The following ANKRD11 variants were observed in gnomAD, a reference collection of about 807,000 sequenced individuals.
ANKRD11 encodes ankyrin repeat domain 11.
ANKRD11 carries 17 observed loss-of-function variants against 195.7 expected under a neutral mutation model. The observed-to-expected ratio is 0.09, with a 90% confidence interval of 0.06 to 0.13. ANKRD11 has a LOEUF of 0.13. Ranked by LOEUF, ANKRD11 falls within the 10% of genes least tolerant of loss-of-function variation. ANKRD11 has a pLI of 1.00. For synonymous variants in ANKRD11, 1,953 were observed against 1,528.1 expected, an observed-to-expected ratio of 1.28 and a Z score of -6.49; for missense variants, 3,735 against 3,566.1, an observed-to-expected ratio of 1.05 and a Z score of -1.21.
At position 89,281,322 on chromosome 16, in the gene ANKRD11, G is replaced by A. The variant is rs149098783; in HGVS notation, c.5220C>T (p.Ala1740=). 1.6e-4 allele frequency: 263 copies of A among 1,613,736 alleles called. No homozygotes were observed. Among genetic ancestry groups the A allele is most frequent in the Non-Finnish European group, 2.2e-4 (258 of 1,179,816 alleles). The change falls in exon 9 of 13, where the codon GCC becomes GCT. Residue 1740 remains alanine (A), a synonymous_variant. Transcript: ENST00000301030. The surrounding 1 kb of genome is among the most constrained non-coding windows in gnomAD (Gnocchi z 5.5). ...GCACGGGCGTGGAGTGCTGCGAGTC[G>A]GCGCAGTCGAACACGAGGTCCGCGT... ...DDYADLVFDC[A]DSQHSTPVPT...
Position 89,393,322 on chromosome 16 carries a change from T to A in ANKRD11, c.-60+24962A>T, listed in dbSNP as rs1246557573. Among the ~76,000 whole-genome samples, 13 of 150,920 alleles carry A rather than the reference T, an allele frequency of 8.6e-5. No homozygotes were observed. The South Asian group carries it at 1.5e-3, about 17-fold the overall frequency. On this transcript the variant is annotated intron_variant, in intron 2 of 12. Coordinates refer to ENST00000301030, the MANE Select transcript of ANKRD11 (RefSeq NM_013275.6). ...TTACTTTTTTTATTTTTATTTTTTT[T>A]TTTTTTGAGACGGAGGCTTGCTCTG...
At chr16:89,360,761 G>C (rs1404304752) in intron 2 of ANKRD11, 2 of 152,212 alleles carry the variant, frequency 1.3e-5, no homozygotes, top group Non-Finnish European at 2.9e-5. Flanking sequence ...AGAGGAAGAG[G>C]AGAAGAAAAG....
chr16:89,274,955 C>T lies in ANKRD11; in HGVS notation c.7572G>A (p.Glu2524=), dbSNP rs767736770. The T allele has an allele frequency of 1.9e-6, 3 of 1,613,354 alleles. No individual in the cohort carries two copies. The highest frequency in any genetic ancestry group is 2.5e-6 in the Non-Finnish European group (3 of 1,180,020). The part of the protein sequence containing the change: ...KLRLQHSIER[E]KLIVSCEQEI... ...CCTGCTCACAGGATACGATCAGCTT[C>T]TCCTGAAGGAGGAGAGGAGTAGAGT... The change falls in exon 11 of 13, where the codon GAG becomes GAA. Residue 2524 remains glutamate, a splice_region_variant and synonymous_variant. Transcript: ENST00000301030.
intron 3 of ANKRD11, among the ~76,000 whole-genome samples, chr16:89,314,970 T>C (rs2036857836): frequency 6.6e-6 from 1 of 152,144 alleles, no homozygotes; most frequent in Non-Finnish European, 1.5e-5. Context: ...ATCTCTTTGT[T>C]CCTAGAGCAC....
At chr16:89,489,642 G>A (rs907491526) in intron 1 of ANKRD11, among the ~76,000 whole-genome samples, 3 of 151,924 alleles carry the variant, frequency 2.0e-5, no homozygotes, top group African/African-American at 7.2e-5. Flanking sequence ...CGGGTCAGAG[G>A]TCGGCGCCCC....
In ANKRD11 at chr16:89,284,837, T is replaced by C; in HGVS notation, c.1705A>G (p.Thr569Ala). 6.2e-7 allele frequency: 1 copy of C among 1,613,984 alleles called. No individual in the cohort carries two copies. The highest frequency in any genetic ancestry group is 8.5e-7 in the Non-Finnish European group (1 of 1,180,040). The change falls in exon 9 of 13, where the codon ACA (threonine) becomes GCA (alanine). Residue 569 changes from threonine to alanine, a missense_variant. Coordinates refer to ENST00000301030, the MANE Select transcript of ANKRD11 (RefSeq NM_013275.6). Reference protein sequence around the residue: ...WSEVSSLSDSTRTRLTSESDY... With the variant: ...WSEVSSLSDSARTRLTSESDY... ...GACTCGCTTGTCAGTCTCGTCCTTG[T>C]GGAGTCTGATAAAGAACTGACCTCT...
At chr16:89,401,425 T>C (rs946209379) in intron 2 of ANKRD11, among the ~76,000 whole-genome samples, 3 of 152,140 alleles carry the variant, frequency 2.0e-5, no homozygotes, top group African/African-American at 7.2e-5. Context: ...GCTGGGATAA[T>C]GGGAAATTAA....
chr16:89,470,492 C>T (rs903430447), intron 1 of ANKRD11, among the ~76,000 whole-genome samples: 1 of 149,734 alleles, frequency 6.7e-6, no homozygotes, highest in Non-Finnish European at 1.5e-5. Flanking sequence ...GTAGGGAATA[C>T]TGGTTAACAC....
intron 1 of ANKRD11, among the ~76,000 whole-genome samples, chr16:89,456,123 C>G (rs1420782039): frequency 3.3e-5 from 5 of 151,846 alleles, no homozygotes; most frequent in African/African-American, 1.2e-4. Flanking sequence ...ACCTGTAGTC[C>G]CAGCTACCCG....
At position 89,282,581 on chromosome 16, in the gene ANKRD11, G is replaced by A. The variant is rs1252105248; in HGVS notation, c.3961C>T (p.Leu1321=). Residue 1321 remains leucine (L), a synonymous_variant, in exon 9 of 13, where the codon CTG becomes TTG. Transcript: ENST00000301030. The part of the protein sequence containing the change: ...RGQEPGLTAF[L]EVSFTEPPGD... The stretch of plus-strand genomic sequence containing the variant: ...GGTGGCTCCGTGAAAGAGACCTCCA[G>A]GAAGGCAGTCAGCCCCGGCTCCTGC... 6.2e-7 allele frequency: 1 copy of A among 1,614,130 alleles called. No homozygotes were observed. The highest frequency in any genetic ancestry group is 1.3e-5 in the African/African-American group (1 of 75,040).
intron 1 of ANKRD11, among the ~76,000 whole-genome samples, chr16:89,436,708 G>C (rs1031936840): frequency 6.6e-6 from 1 of 152,180 alleles, no homozygotes; most frequent in Non-Finnish European, 1.5e-5. Flanking sequence ...ACACTGACAA[G>C]TCAACGGAGG....
At position 89,284,023 on chromosome 16, in the gene ANKRD11, C is replaced by T. The variant is rs149776253; in HGVS notation, c.2519G>A (p.Arg840Gln). ...KFSLSDDQRD[R>Q]WFSDLSDSSF... is the part of the protein sequence containing the mutation. ...TGAATCGGACAAGTCAGAAAACCAC[C>T]GATCTCGCTGATCGTCAGAAAGGCT... The change falls in exon 9 of 13, where the codon CGG becomes CAG. Residue 840 changes from arginine (R) to glutamine (Q), a missense_variant. Coordinates refer to ENST00000301030, the MANE Select transcript of ANKRD11 (RefSeq NM_013275.6). The T allele has an allele frequency of 9.4e-4, 1,515 of 1,614,120 alleles. 4 individuals are homozygous for T. Among genetic ancestry groups the T allele is most frequent in the Non-Finnish European group, 1.1e-3 (1,317 of 1,180,034 alleles).
intron 2 of ANKRD11, among the ~76,000 whole-genome samples, chr16:89,354,829 G>A (rs1219629197): frequency 6.6e-6 from 1 of 151,942 alleles, no homozygotes; most frequent in Non-Finnish European, 1.5e-5. Context: ...GGAGGTTGCA[G>A]TGAGCCGAGA....
intron 3 of ANKRD11, among the ~76,000 whole-genome samples, chr16:89,316,251 G>A (rs1367889174): frequency 6.6e-6 from 1 of 152,172 alleles, no homozygotes; most frequent in Non-Finnish European, 1.5e-5. Context: ...CGGTCACAAA[G>A]ATAACACATG....
At position 89,367,118 on chromosome 16, in the gene ANKRD11, T is replaced by G. The variant is rs112547489; in HGVS notation, c.-59-50040A>C. On this transcript the variant is annotated intron_variant, in intron 2 of 12. Coordinates refer to ENST00000301030, the MANE Select transcript of ANKRD11 (RefSeq NM_013275.6). ...ACCCCGAGACTCACCGGATACTCAC[T>G]ACCTCAACTCTCCACCCCGCACCCA... Among the ~76,000 whole-genome samples, 589 of 152,228 alleles carry G rather than the reference T, an allele frequency of 3.9e-3. 2 individuals carry two copies. Among genetic ancestry groups the G allele is most frequent in the African/African-American group, 0.014 (569 of 41,534 alleles).
chr16:89,467,497 G>A (rs1390777994), intron 1 of ANKRD11, among the ~76,000 whole-genome samples: 2 of 152,010 alleles, frequency 1.3e-5, no homozygotes, highest in Non-Finnish European at 1.5e-5. Flanking sequence ...CAAGTAGCTG[G>A]GACTACAGGC....
Position 89,375,768 on chromosome 16 carries a change from TAAAAAAAAAA to T in ANKRD11, c.-60+42506_-60+42515del, listed in dbSNP as rs36033030. The stretch of plus-strand genomic sequence containing the variant: ...ACTGCACCCAGCCGACTCCGTCTCT[TAAAAAAAAAA>T]AAAAAAAAAAAGCCTCTTGCAGTTC... On this transcript the variant is annotated intron_variant, in intron 2 of 12. Coordinates refer to ENST00000301030, the MANE Select transcript of ANKRD11 (RefSeq NM_013275.6). 2.2e-3 allele frequency among the ~76,000 whole-genome samples: 185 copies of T among 84,564 alleles called. 1 individual carries two copies. Among genetic ancestry groups the T allele is most frequent in the Non-Finnish European group, 2.1e-3 (87 of 42,396 alleles). 55.5% of individuals were successfully genotyped at this position (84,564 alleles called of 152,430 possible).
At chr16:89,333,926 C>T (rs923080645) in intron 2 of ANKRD11, among the ~76,000 whole-genome samples, 2 of 152,070 alleles carry the variant, frequency 1.3e-5, no homozygotes, top group East Asian at 1.9e-4. Context: ...TTTCTCACCA[C>T]TGGAAGCAGT....
At chr16:89,317,378 G>A (rs1482323312) in intron 2 of ANKRD11, among the ~76,000 whole-genome samples, 1 of 152,206 alleles carries the variant, frequency 6.6e-6, no homozygotes, top group Non-Finnish European at 1.5e-5. Flanking sequence ...GCAGTCAGCA[G>A]CACCTGGATC....
Sources: allele counts gnomAD v4.1 joint callset (sites outside exome capture counted in the v4.1 genomes callset), GRCh38; gene constraint gnomAD v4.1.1; non-coding constraint Gnocchi (gnomAD v3.1); transcripts MANE v1.5; gene names NCBI Gene and HGNC (gene_info 2026-07-23, HGNC 2026-07-21).